Variants in RGS3 observed in about 807,000 individuals in gnomAD.
RGS3 encodes regulator of G protein signaling 3.
RGS3 carries 80 observed loss-of-function variants against 132.6 expected under a neutral mutation model. The ratio of observed to expected loss-of-function variants is 0.60; its 90% confidence interval spans 0.50 to 0.73. The LOEUF (loss-of-function observed/expected upper bound fraction) is 0.73, where lower values mean the gene tolerates loss of function less well. RGS3 is among the 30% of genes least tolerant of loss of function. The pLI is 0.00. For synonymous variants in RGS3, 598 were observed against 620.6 expected (o/e 0.96, Z 0.54); for missense variants, 1,382 against 1,530.8 (o/e 0.90, Z 1.62).
In RGS3 at chr9:113,501,390, G is replaced by A. The variant is rs532211315; in HGVS notation, c.897+3310G>A. The A allele has an allele frequency of 7.1e-6, 10 of 1,401,556 alleles. No homozygotes were observed. In the African/African-American group the frequency reaches 8.6e-5, roughly 12 times the overall value. 86.8% of individuals were successfully genotyped at this position (1,401,556 alleles called of 1,614,324 possible). On this transcript the variant is annotated intron_variant, in intron 10 of 24. Transcript: ENST00000350696. ...CATTCTGAGGTTTCAGGAAGCCTTC[G>A]GGCTTATCGTGCAGAGGCACACAGC...
chr9:113,445,924 C>T (rs1829089419), intron 1 of RGS3, among the ~76,000 whole-genome samples: 1 of 152,132 alleles, frequency 6.6e-6, no homozygotes, highest in Non-Finnish European at 1.5e-5. Context: ...AGTAATCCGC[C>T]CACCTTGAGC....
In RGS3 at chr9:113,524,038, G is replaced by C. The variant is rs77334773; in HGVS notation, c.1870+997G>C. 2.6e-5 allele frequency among the ~76,000 whole-genome samples: 4 copies of C among 152,314 alleles called. No homozygotes were observed. The East Asian group carries it at 7.7e-4, about 29-fold the overall frequency. On this transcript the variant is annotated intron_variant, in intron 17 of 24. Coordinates refer to ENST00000350696, the Ensembl canonical transcript of RGS3. Reference sequence around the variant, plus strand: ...AAAAGCAAGTCACCTCACTGGGTCAGCTCCTCCCTCCAGGCGGGCTCAGCC... The same window carrying C: ...AAAAGCAAGTCACCTCACTGGGTCACCTCCTCCCTCCAGGCGGGCTCAGCC...
chr9:113,588,491 T>G (rs1169726676), intron 20 of RGS3, among the ~76,000 whole-genome samples: 1 of 152,190 alleles, frequency 6.6e-6, no homozygotes, highest in African/African-American at 2.4e-5. Flanking sequence ...TAGTGGGCTC[T>G]GGACCCAGAC....
At chr9:113,570,949 C>T (rs1292305798) in intron 19 of RGS3, among the ~76,000 whole-genome samples, 1 of 152,204 alleles carries the variant, frequency 6.6e-6, no homozygotes, top group South Asian at 2.1e-4. Context: ...GTCCTGACTT[C>T]TCTCATCGAT....
At position 113,583,570 on chromosome 9, in the gene RGS3, C is replaced by T; in HGVS notation, c.2158C>T (p.Gln720Ter). Residue 720 changes from glutamine (Q) to a stop codon, truncating the protein, a stop_gained, in exon 20 of 25, where the codon CAA becomes TAA. Coordinates refer to ENST00000350696, the Ensembl canonical transcript of RGS3. LOFTEE classifies it high-confidence loss of function. ...TCCTGGCCAGGAGCTTCCTCCAGGACAAGACCTTCCACCCAACAAGGACTC... is the reference window on the plus strand; with the variant it reads ...TCCTGGCCAGGAGCTTCCTCCAGGATAAGACCTTCCACCCAACAAGGACTC... The T allele has an allele frequency of 6.2e-7, 1 of 1,614,184 alleles. No individual in the cohort carries two copies. Among genetic ancestry groups the T allele is most frequent in the Non-Finnish European group, 8.5e-7 (1 of 1,180,022 alleles).
At chr9:113,475,977 T>G (rs1256362438) in intron 3 of RGS3, among the ~76,000 whole-genome samples, 1 of 151,426 alleles carries the variant, frequency 6.6e-6, no homozygotes, top group Non-Finnish European at 1.5e-5. Flanking sequence ...TTCCCCAAGG[T>G]CCAGGCTGGA....
exon 24 of RGS3, chr9:113,595,617 A>G: frequency 6.2e-7 from 1 of 1,614,174 alleles, no homozygotes; most frequent in Non-Finnish European, 8.5e-7. Flanking sequence ...GCAGTGTTCC[A>G]AGCCTTCCTT....
At chr9:113,458,926 A>G (rs965772940), upstream of RGS3, among the ~76,000 whole-genome samples, 22 of 152,004 alleles carry the variant, frequency 1.4e-4, no homozygotes, top group African/African-American at 5.3e-4. Context: ...TATCTTTTGT[A>G]TTTTTAGCAA....
intron 1 of RGS3, among the ~76,000 whole-genome samples, chr9:113,447,325 A>ATATG (rs1564431332): frequency 4.3e-5 from 3 of 68,984 alleles, no homozygotes; most frequent in Admixed American, 1.8e-4. Flanking sequence ...TGATGTATGT[A>ATATG]TATGTATATA....
At chr9:113,511,116 G>A (rs981672242) in intron 14 of RGS3, among the ~76,000 whole-genome samples, 1 of 152,168 alleles carries the variant, frequency 6.6e-6, no homozygotes, top group African/African-American at 2.4e-5. Flanking sequence ...GTGCCTGCCC[G>A]GCTGTGGTTG....
At chr9:113,462,184 C>T (rs775200688) in exon 3 of RGS3, 12 of 1,613,744 alleles carry the variant, frequency 7.4e-6, no homozygotes, top group Non-Finnish European at 1.0e-5. Flanking sequence ...ATCACGCATG[C>T]CAAAGTCCAG....
intron 3 of RGS3, among the ~76,000 whole-genome samples, chr9:113,462,844 C>A (rs917766643): frequency 1.6e-4 from 24 of 152,178 alleles, no homozygotes; most frequent in African/African-American, 5.6e-4. Flanking sequence ...GTCTGGGGAA[C>A]AGGGACAAAT....
intron 17 of RGS3, among the ~76,000 whole-genome samples, chr9:113,523,922 A>G (rs372625806): frequency 1.9e-3 from 286 of 152,254 alleles, no homozygotes; most frequent in African/African-American, 6.6e-3. Context: ...AAACCCATTC[A>G]GTATGAGAAC....
At chr9:113,568,551 A>C (rs1834112630) in intron 19 of RGS3, among the ~76,000 whole-genome samples, 3 of 152,180 alleles carry the variant, frequency 2.0e-5, no homozygotes, top group Non-Finnish European at 4.4e-5. Context: ...TCCAAAAGTC[A>C]ATGGTCAGGG....
intron 4 of RGS3, among the ~76,000 whole-genome samples, chr9:113,482,001 G>A (rs1430891692): frequency 2.0e-5 from 3 of 151,104 alleles, no homozygotes; most frequent in African/African-American, 4.9e-5. Flanking sequence ...AGCCGAGATC[G>A]TGCCATTGCA....
At chr9:113,585,119 G>C (rs988566101) in intron 20 of RGS3, among the ~76,000 whole-genome samples, 2 of 152,310 alleles carry the variant, frequency 1.3e-5, no homozygotes, top group African/African-American at 2.4e-5. Context: ...AACATGGCAG[G>C]AGCCACAGAA....
At chr9:113,584,475 G>T in intron 20 of RGS3, 48 bp downstream of exon 18, 1 of 1,484,918 alleles carries the variant, frequency 6.7e-7, no homozygotes, top group South Asian at 1.4e-5. Flanking sequence ...AATGTGGGGA[G>T]GGCTGGCCCA....
At chr9:113,494,456 TA>T (rs1233076134) in intron 7 of RGS3, among the ~76,000 whole-genome samples, 1 of 152,240 alleles carries the variant, frequency 6.6e-6, no homozygotes, top group African/African-American at 2.4e-5. Context: ...TTATCATTAT[TA>T]TTTTTTTGAG....
intron 1 of RGS3, among the ~76,000 whole-genome samples, chr9:113,447,361 A>ATATATATATATATATG (rs1554751008): frequency 8.4e-6 from 1 of 118,420 alleles, no homozygotes; most frequent in Non-Finnish European, 1.8e-5. Flanking sequence ...ATATATATAT[A>ATATATATATATATATG]GGCAAGGGTT....
Sources: gnomAD v4.1 joint callset for allele counts (sites outside exome capture counted in the v4.1 genomes callset) on GRCh38, gnomAD v4.1.1 for gene constraint, MANE v1.5 for transcripts, NCBI Gene and HGNC (gene_info 2026-07-23, HGNC 2026-07-21) for gene names.